Variants in DLGAP2 observed in about 807,000 individuals in gnomAD.
DLGAP2 encodes DLG associated protein 2, also known as disks large-associated protein 2.
DLGAP2 carries 26 observed loss-of-function variants against 100.3 expected under a neutral mutation model. The observed-to-expected ratio is 0.26, with a 90% CI of 0.19 to 0.36. DLGAP2 has a LOEUF of 0.36. Ranked by LOEUF, DLGAP2 falls within the 10% of genes least tolerant of loss-of-function variation. The pLI is 1.00. For synonymous variants in DLGAP2, 886 were observed against 630.1 expected, an observed-to-expected ratio of 1.41 and a Z score of -6.08; for missense variants, 1,858 against 1,453.2, an observed-to-expected ratio of 1.28 and a Z score of -4.53.
At chr8:1,456,613 T>C (rs975863925) in intron 3 of DLGAP2, among the ~76,000 whole-genome samples, 2 of 152,126 alleles carry the variant, frequency 1.3e-5, no homozygotes, top group Non-Finnish European at 2.9e-5. Context: ...ATTTAATTAA[T>C]GAAAAAGTGT....
At chr8:737,871 G>A in intron 1 of DLGAP2, 46 bp downstream of exon 1, 1 of 373,620 alleles carries the variant, frequency 2.7e-6, no homozygotes, top group Non-Finnish European at 4.8e-6. Flanking sequence ...GGGGCTCCGA[G>A]AGCCGTCGAG....
intron 3 of DLGAP2, among the ~76,000 whole-genome samples, chr8:1,306,717 G>A (rs76336176): frequency 6.6e-6 from 1 of 152,276 alleles, no homozygotes; most frequent in Non-Finnish European, 1.5e-5. Flanking sequence ...TAATGGAACA[G>A]AATAGAGAGT....
intron 10 of DLGAP2, among the ~76,000 whole-genome samples, chr8:1,670,465 A>C (rs1425707159): frequency 1.3e-5 from 2 of 152,128 alleles, no homozygotes; most frequent in East Asian, 3.9e-4. Flanking sequence ...CCCTTCCCGG[A>C]GGCCTCTCTG....
At chr8:1,211,691 C>T (rs1798107391) in intron 2 of DLGAP2, among the ~76,000 whole-genome samples, 1 of 152,102 alleles carries the variant, frequency 6.6e-6, no homozygotes, top group Non-Finnish European at 1.5e-5. Flanking sequence ...GCCTGACCAA[C>T]ATGGAGAAAC....
At chr8:1,223,318 A>T (rs894890630) in intron 2 of DLGAP2, among the ~76,000 whole-genome samples, 15 of 152,152 alleles carry the variant, frequency 9.9e-5, no homozygotes, top group African/African-American at 3.1e-4. Flanking sequence ...GGTCTATGCC[A>T]TGGGCTGGTC....
At chr8:950,783 G>A (rs1422262074) in intron 2 of DLGAP2, among the ~76,000 whole-genome samples, 1 of 151,708 alleles carries the variant, frequency 6.6e-6, no homozygotes, top group South Asian at 2.1e-4. Flanking sequence ...CACCGTGCCC[G>A]GCTAATTTTT....
chr8:931,136 C>A (rs558848591), intron 2 of DLGAP2, among the ~76,000 whole-genome samples: 3 of 152,108 alleles, frequency 2.0e-5, no homozygotes, highest in South Asian at 4.1e-4. Context: ...GTGAGAAAGC[C>A]GTCAGCTGAA....
At chr8:946,984 C>G (rs1400146837) in intron 2 of DLGAP2, among the ~76,000 whole-genome samples, 2 of 152,188 alleles carry the variant, frequency 1.3e-5, no homozygotes, top group Middle Eastern at 3.2e-3. Flanking sequence ...GGTAGCAGCA[C>G]CACCTGCTGG....
chr8:808,565 T>G (rs11989888), intron 1 of DLGAP2, among the ~76,000 whole-genome samples: 1 of 152,166 alleles, frequency 6.6e-6, no homozygotes, highest in East Asian at 1.9e-4. Flanking sequence ...GGTTGGTGCC[T>G]CTAGTGAGGC....
intron 3 of DLGAP2, among the ~76,000 whole-genome samples, chr8:1,487,915 G>A (rs867899365): frequency 1.3e-5 from 2 of 152,178 alleles, no homozygotes; most frequent in Admixed American, 6.5e-5. Context: ...GCTCTGCCAC[G>A]TCCTCAGATT....
rs189952885 is a variant in DLGAP2, at chr8:776,909, G to A, written c.18+39084G>A. ...AGTTCAATTCCTGGGTATCCTTGTT[G>A]ACTTTCTGTCTCGTTGATCTGTCTA... On this transcript the variant is annotated intron_variant, in intron 1 of 14. Transcript: ENST00000637795. 4.2e-3 allele frequency among the ~76,000 whole-genome samples: 635 copies of A among 152,182 alleles called. 4 individuals are homozygous for A. The highest frequency in any genetic ancestry group is 0.014 in the African/African-American group (595 of 41,514).
intron 2 of DLGAP2, among the ~76,000 whole-genome samples, chr8:1,256,568 G>A (rs540417356): frequency 8.0e-5 from 12 of 150,872 alleles, no homozygotes; most frequent in South Asian, 2.1e-4. Flanking sequence ...TTTCCTGCCC[G>A]GGTGCTGTGC....
chr8:867,571 C>T (rs1391004866), intron 1 of DLGAP2, among the ~76,000 whole-genome samples: 1 of 152,182 alleles, frequency 6.6e-6, no homozygotes, highest in African/African-American at 2.4e-5. Context: ...CTGGTGGTAG[C>T]ACGCTCTAGG....
chr8:1,436,982 A>G (rs544282369), intron 3 of DLGAP2, among the ~76,000 whole-genome samples: 14 of 152,282 alleles, frequency 9.2e-5, no homozygotes, highest in Non-Finnish European at 1.9e-4. Context: ...CAGGAGGCCT[A>G]TGCCGTTCGG....
intron 2 of DLGAP2, among the ~76,000 whole-genome samples, chr8:1,105,957 A>G (rs538141620): frequency 1.8e-4 from 26 of 145,214 alleles, no homozygotes; most frequent in Non-Finnish European, 3.7e-4. Flanking sequence ...GAAGGGAACC[A>G]TTCTAGGAGG....
chr8:1,499,138 G>A (rs1799630320), intron 3 of DLGAP2, among the ~76,000 whole-genome samples: 1 of 152,226 alleles, frequency 6.6e-6, no homozygotes, highest in East Asian at 1.9e-4. Context: ...CTGTTCTCAA[G>A]ATAATTAGGT....
chr8:1,238,495 A>G (rs1288981867), intron 2 of DLGAP2, among the ~76,000 whole-genome samples: 6 of 137,176 alleles, frequency 4.4e-5, no homozygotes, highest in Admixed American at 4.3e-4. Context: ...CTTCTCTCAC[A>G]TGGCGCCGTG....
intron 3 of DLGAP2, among the ~76,000 whole-genome samples, chr8:1,307,106 G>C (rs1800508845): frequency 6.6e-6 from 1 of 152,062 alleles, no homozygotes; most frequent in Non-Finnish European, 1.5e-5. Flanking sequence ...GATGGAATGG[G>C]AGTAGATATC....
chr8:1,550,640 G>A (rs967318485), intron 5 of DLGAP2, among the ~76,000 whole-genome samples: 1 of 152,166 alleles, frequency 6.6e-6, no homozygotes, highest in Admixed American at 6.5e-5. Context: ...TGTGTCTCTG[G>A]GGTGTGGATT....
Sources: gnomAD v4.1 joint callset for allele counts (sites outside exome capture counted in the v4.1 genomes callset) on GRCh38, gnomAD v4.1.1 for gene constraint, MANE v1.5 for transcripts, NCBI Gene and HGNC (gene_info 2026-07-23, HGNC 2026-07-21) for gene names.